ACACA: variants seen among roughly 807,000 people sequenced by gnomAD.
The protein encoded by ACACA is acetyl-CoA carboxylase 1.
In ACACA, 103 loss-of-function variants were observed where a neutral mutation model predicts 296.1. The ratio of observed to expected loss-of-function variants is 0.35; its 90% CI spans 0.30 to 0.41. The LOEUF (loss-of-function observed/expected upper bound fraction) is 0.41. Among genes scored for constraint, ACACA ranks in the 10% least tolerant of loss-of-function variants. The probability of loss-of-function intolerance (pLI) is 1.00; values close to 1 mark genes in which losing one functional copy is unlikely to be tolerated. For synonymous variants in ACACA, 953 were observed against 1,038.6 expected (o/e 0.92, Z 1.58); for missense variants, 1,554 against 2,989.7 (o/e 0.52, Z 11.20).
intron 3 of ACACA, among the ~76,000 whole-genome samples, chr17:37,314,796 A>C (rs997703819): frequency 6.6e-6 from 1 of 151,286 alleles, no homozygotes; most frequent in South Asian, 2.1e-4. Context: ...ACATGTCCCC[A>C]TGCCCGGGTA....
intron 1 of ACACA, among the ~76,000 whole-genome samples, chr17:37,402,462 A>C (rs2051323991): frequency 1.3e-5 from 2 of 152,204 alleles, no homozygotes; most frequent in Admixed American, 1.3e-4. Context: ...GCCTTCTAAA[A>C]AGAATGACAA....
At chr17:37,234,917 A>G in intron 25 of ACACA, 58 bp downstream of exon 25, 2 of 1,605,144 alleles carry the variant, frequency 1.2e-6, no homozygotes, top group Non-Finnish European at 1.7e-6. Context: ...TCAAAAGGAA[A>G]AAAATACTTT....
At chr17:37,095,419 T>C (rs1163374975) in intron 54 of ACACA, among the ~76,000 whole-genome samples, 1 of 152,200 alleles carries the variant, frequency 6.6e-6, no homozygotes, top group Non-Finnish European at 1.5e-5. Flanking sequence ...AAGAAGCTTT[T>C]CAGTCATAAA....
At chr17:37,128,215 G>A (rs12150477) in intron 47 of ACACA, among the ~76,000 whole-genome samples, 28,466 of 151,986 alleles carry the variant, frequency 0.19, 3,407 homozygotes, top group East Asian at 0.45. Context: ...GTCTAATGTA[G>A]ATATTGTAGA....
intron 1 of ACACA, chr17:37,391,982 G>A (rs749956955): frequency 3.8e-4 from 185 of 488,626 alleles, no homozygotes; most frequent in Middle Eastern, 3.7e-3. Context: ...AGAACAAAAA[G>A]TATTCCCTGC....
chr17:37,393,466 G>A (rs1360778229), intron 1 of ACACA, among the ~76,000 whole-genome samples: 1 of 152,070 alleles, frequency 6.6e-6, no homozygotes, highest in Non-Finnish European at 1.5e-5. Flanking sequence ...ACCCACCACT[G>A]AATGTCCCTT....
At chr17:37,323,577 AGAGT>A (rs1297389800) in intron 3 of ACACA, among the ~76,000 whole-genome samples, 1 of 152,238 alleles carries the variant, frequency 6.6e-6, no homozygotes, top group East Asian at 1.9e-4. Context: ...CCTGGGTGAC[AGAGT>A]GAGACCAAAC....
rs76258385 is a variant in ACACA, at chr17:37,340,392, T to C, written c.39-542A>G. On this transcript the variant is annotated intron_variant, in intron 1 of 55. Coordinates refer to ENST00000616317, the MANE Select transcript of ACACA (RefSeq NM_198834.3). ...CCTGACAATTTAAATCTATCTAGGGTAGAAATTCTCAACTCTGATTATGTT... is the reference window on the plus strand; with the variant it reads ...CCTGACAATTTAAATCTATCTAGGGCAGAAATTCTCAACTCTGATTATGTT... Among the ~76,000 whole-genome samples, 93 of 152,260 alleles carry C rather than the reference T, an allele frequency of 6.1e-4. 1 individual carries two copies. The East Asian group carries it at 0.017, about 28-fold the overall frequency.
At chr17:37,219,913 T>C (rs1234576413) in intron 29 of ACACA, among the ~76,000 whole-genome samples, 3 of 151,830 alleles carry the variant, frequency 2.0e-5, no homozygotes. Flanking sequence ...TTCACAAAGA[T>C]GATTTTATTT....
chr17:37,099,286 A>C (rs1235863569), intron 52 of ACACA, among the ~76,000 whole-genome samples: 3 of 152,150 alleles, frequency 2.0e-5, no homozygotes, highest in Non-Finnish European at 4.4e-5. Context: ...GCTCATCACC[A>C]TTTTAAAACT....
intron 42 of ACACA, among the ~76,000 whole-genome samples, chr17:37,159,179 T>TAA (rs922621989): frequency 6.8e-6 from 1 of 147,078 alleles, no homozygotes; most frequent in South Asian, 2.2e-4. Context: ...CCCTGTCTCT[T>TAA]AAAAAAAAAA....
intron 50 of ACACA, among the ~76,000 whole-genome samples, chr17:37,119,486 T>C (rs1373793701): frequency 6.6e-6 from 1 of 151,982 alleles, no homozygotes; most frequent in Non-Finnish European, 1.5e-5. Flanking sequence ...CTAAAAAATA[T>C]ATACAATCAT....
intron 33 of ACACA, among the ~76,000 whole-genome samples, chr17:37,203,941 C>G (rs530677810): frequency 9.9e-5 from 15 of 152,266 alleles, no homozygotes; most frequent in African/African-American, 3.4e-4. Context: ...CTGACCACTG[C>G]AATCTCATAG....
chr17:37,181,106 G>T, intron 40 of ACACA, 95 bp downstream of exon 40: 2 of 1,335,508 alleles, frequency 1.5e-6, no homozygotes, highest in Non-Finnish European at 2.2e-6. Flanking sequence ...CTTGCCCTTT[G>T]GAGTGCCCCC....
intron 29 of ACACA, chr17:37,221,394 T>TA (rs1480411941): frequency 2.7e-5 from 10 of 369,802 alleles, no homozygotes; most frequent in Non-Finnish European, 4.6e-5. Flanking sequence ...TTTAAATTGT[T>TA]AAAAAGAGTG....
At chr17:37,385,191 G>T (rs1392021793) in intron 1 of ACACA, among the ~76,000 whole-genome samples, 2 of 152,164 alleles carry the variant, frequency 1.3e-5, no homozygotes, top group African/African-American at 4.8e-5. Context: ...GCAAGGCCAG[G>T]CTGGGCACAG....
At chr17:37,358,884 G>A (rs1234029031) in intron 1 of ACACA, 3 of 938,072 alleles carry the variant, frequency 3.2e-6, no homozygotes, top group African/African-American at 3.6e-5. Flanking sequence ...TGGAGCCCAG[G>A]CCGCGTGCGG....
chr17:37,137,037 G>C (rs534360733), intron 45 of ACACA, among the ~76,000 whole-genome samples: 2 of 152,028 alleles, frequency 1.3e-5, no homozygotes, highest in South Asian at 4.1e-4. Flanking sequence ...AATGACTAAT[G>C]ATAAGCATCT....
At chr17:37,272,194 A>C (rs1169649485) in intron 9 of ACACA, among the ~76,000 whole-genome samples, 2 of 152,016 alleles carry the variant, frequency 1.3e-5, no homozygotes, top group African/African-American at 4.8e-5. Flanking sequence ...AAATACAAAA[A>C]TTAGCTGGGC....
Sources: allele counts gnomAD v4.1 joint callset (sites outside exome capture counted in the v4.1 genomes callset), GRCh38; gene constraint gnomAD v4.1.1; transcripts MANE v1.5; gene names NCBI Gene and HGNC (gene_info 2026-07-23, HGNC 2026-07-21).